The following MYOF variants were observed in gnomAD, a reference collection of about 807,000 sequenced individuals.
The protein encoded by MYOF is fer-1-like 3, myoferlin.
A neutral mutation model predicts 284.2 loss-of-function variants in MYOF; 244 were observed. The observed-to-expected ratio is 0.86, with a 90% CI of 0.77 to 0.95. The LOEUF is 0.95. MYOF is among the 40% of genes least tolerant of loss of function. MYOF has a pLI of 0.00. For synonymous variants in MYOF, 904 were observed against 919.7 expected (o/e 0.98, Z 0.31); for missense variants, 2,496 against 2,560.6 (o/e 0.97, Z 0.54).
intron 24 of MYOF, among the ~76,000 whole-genome samples, chr10:93,370,584 G>A (rs952815112): frequency 1.3e-5 from 2 of 151,850 alleles, no homozygotes; most frequent in African/African-American, 4.8e-5. Flanking sequence ...CAGAGTGCTG[G>A]GATGACAGGC....
At chr10:93,427,197 T>TAAAAC (rs1554861308) in intron 4 of MYOF, among the ~76,000 whole-genome samples, 7 of 139,254 alleles carry the variant, frequency 5.0e-5, no homozygotes, top group African/African-American at 1.8e-4. Flanking sequence ...GACTCTGTCT[T>TAAAAC]AAAACAAAAC....
intron 17 of MYOF, 99 bp downstream of exon 17, chr10:93,392,818 A>G (rs1589493496): frequency 8.7e-7 from 1 of 1,151,024 alleles, no homozygotes; most frequent in East Asian, 2.4e-5. Flanking sequence ...TTGAGACAGC[A>G]AAATGTCAAA....
chr10:93,378,891 T>A (rs1845985019), intron 21 of MYOF, among the ~76,000 whole-genome samples: 1 of 151,570 alleles, frequency 6.6e-6, no homozygotes, highest in African/African-American at 2.4e-5. Flanking sequence ...TTCTTTTGTA[T>A]TTTTAGTAGA....
intron 1 of MYOF, among the ~76,000 whole-genome samples, chr10:93,461,157 C>G (rs1472235042): frequency 6.6e-6 from 1 of 152,204 alleles, no homozygotes; most frequent in Non-Finnish European, 1.5e-5. Context: ...TCATTCTCAT[C>G]CTGAAGTTTC....
rs2056723982 is a variant in MYOF, at chr10:93,455,493, GC to G, written c.144+1388del. ...GACCAGCCTGGGCAACACGGCAAAA[GC>G]CCATCTCTACAAAAAATAAAACAAT... On this transcript the variant is annotated intron_variant, in intron 2 of 53. Transcript: ENST00000359263. Among the ~76,000 whole-genome samples, 3 of 151,828 alleles carry G rather than the reference GC, an allele frequency of 2.0e-5. No homozygotes were observed. The South Asian group carries it at 6.2e-4, about 32-fold the overall frequency.
intron 3 of MYOF, among the ~76,000 whole-genome samples, chr10:93,434,772 T>C (rs1034806685): frequency 2.6e-5 from 4 of 152,214 alleles, no homozygotes; most frequent in Admixed American, 1.3e-4. Flanking sequence ...CAGAGTATGT[T>C]TTTAGATCAG....
intron 1 of MYOF, among the ~76,000 whole-genome samples, chr10:93,468,465 C>T (rs1166298176): frequency 6.6e-6 from 1 of 152,236 alleles, no homozygotes; most frequent in Non-Finnish European, 1.5e-5. Context: ...TTCCTTCAGG[C>T]AAGCTTTGGG....
chr10:93,397,220 T>G (rs1033281568), intron 15 of MYOF, 27 bp downstream of exon 15: 7 of 1,518,852 alleles, frequency 4.6e-6, no homozygotes, highest in South Asian at 2.3e-5. Context: ...TTATGTTGAA[T>G]TAGACACATA....
chr10:93,455,892 A>G lies in MYOF; in HGVS notation c.144+990T>C, dbSNP rs536434904. 2.6e-5 allele frequency among the ~76,000 whole-genome samples: 4 copies of G among 152,300 alleles called. No homozygotes were observed. In the South Asian group the frequency reaches 8.3e-4, roughly 32 times the overall value. ...CTGTTAAAAAGTTAAAGTTTCATGA[A>G]TAATTGGGTGGTTTAAAAGAGAGAG... is the stretch of plus-strand genomic sequence containing the variant. On this transcript the variant is annotated intron_variant, in intron 2 of 53. Coordinates refer to ENST00000359263, the MANE Select transcript of MYOF (RefSeq NM_013451.4).
In MYOF at chr10:93,351,538, A is replaced by T. The variant is rs34777013; in HGVS notation, c.3697T>A (p.Ser1233Thr). The change falls in exon 34 of 54, where the codon TCT (serine) becomes ACT (threonine). Residue 1233 changes from serine to threonine, a missense_variant. By Grantham distance (58) the Ser-to-Thr change is moderately conservative. Transcript: ENST00000359263. Reference sequence around the variant, plus strand: ...TCTGAGTTCAGTTTCACCACAGGAGAGAAAATGCTTCGTCCTAAAAATTCA... The same window carrying T: ...TCTGAGTTCAGTTTCACCACAGGAGTGAAAATGCTTCGTCCTAAAAATTCA... ...KDEFLGRSIF[S>T]PVVKLNSEMD... is the part of the protein sequence containing the mutation. 3.2e-4 allele frequency: 518 copies of T among 1,614,168 alleles called. 1 individual carries two copies. In the African/African-American group the frequency reaches 6.2e-3, roughly 19 times the overall value.
At chr10:93,341,930 A>G (rs1414162572) in intron 38 of MYOF, 1 of 1,289,696 alleles carries the variant, frequency 7.8e-7, no homozygotes, top group African/African-American at 1.5e-5. Context: ...GTCGCTGGAG[A>G]AGCCATTTTG....
At chr10:93,476,409 G>A (rs375551077) in intron 1 of MYOF, among the ~76,000 whole-genome samples, 2 of 151,598 alleles carry the variant, frequency 1.3e-5, no homozygotes, top group Non-Finnish European at 2.9e-5. Flanking sequence ...CCACCACCAC[G>A]CCCAGCTAAT....
intron 23 of MYOF, 64 bp from the exon 24 acceptor site, chr10:93,373,149 G>A (rs1845668869): frequency 1.3e-6 from 2 of 1,581,160 alleles, no homozygotes; most frequent in African/African-American, 1.3e-5. Flanking sequence ...GAGAGGGACC[G>A]AAGACCCTGC....
At chr10:93,392,127 T>G (rs1389825337) in intron 17 of MYOF, among the ~76,000 whole-genome samples, 1 of 152,236 alleles carries the variant, frequency 6.6e-6, no homozygotes, top group Non-Finnish European at 1.5e-5. Flanking sequence ...AAAGTCTGAT[T>G]ATAATGAAAT....
chr10:93,399,668 G>A (rs1847183211), intron 12 of MYOF, among the ~76,000 whole-genome samples, 173 bp from the exon 13 acceptor site: 1 of 152,210 alleles, frequency 6.6e-6, no homozygotes, highest in African/African-American at 2.4e-5. Context: ...GGTCAGAAGA[G>A]CAAGGCCATC....
At chr10:93,353,772 A>T in intron 32 of MYOF, 39 bp downstream of exon 32, 1 of 1,489,868 alleles carries the variant, frequency 6.7e-7, no homozygotes, top group Non-Finnish European at 9.2e-7. Context: ...ATAGCATGCT[A>T]TGTAATCATG....
At chr10:93,463,087 C>A (rs1471470266) in intron 1 of MYOF, among the ~76,000 whole-genome samples, 1 of 152,158 alleles carries the variant, frequency 6.6e-6, no homozygotes, top group Non-Finnish European at 1.5e-5. Flanking sequence ...CGATTAGCTA[C>A]GCCTGCCTCT....
intron 49 of MYOF, among the ~76,000 whole-genome samples, chr10:93,319,503 T>C (rs948852798): frequency 3.3e-5 from 5 of 152,290 alleles, no homozygotes; most frequent in South Asian, 2.1e-4. Flanking sequence ...ATACCCACTT[T>C]AATACTGGGC....
At chr10:93,349,999 G>A in intron 35 of MYOF, 30 bp from the exon 36 acceptor site, 1 of 1,599,898 alleles carries the variant, frequency 6.3e-7, no homozygotes, top group South Asian at 1.1e-5. Context: ...AGAGGGGAAG[G>A]TAACTCAGCA....
Sources: gnomAD v4.1 joint callset for allele counts (sites outside exome capture counted in the v4.1 genomes callset) on GRCh38, gnomAD v4.1.1 for gene constraint, MANE v1.5 for transcripts, NCBI Gene and HGNC (gene_info 2026-07-23, HGNC 2026-07-21) for gene names.